Variants in PDGFC observed in about 807,000 individuals in gnomAD.
The protein encoded by PDGFC is platelet-derived growth factor C.
In PDGFC, 12 loss-of-function variants were observed where a neutral mutation model predicts 35.5. The observed-to-expected ratio is 0.34, with a 90% CI of 0.22 to 0.55. The LOEUF (loss-of-function observed/expected upper bound fraction) is 0.55, where lower values mean the gene tolerates loss of function less well. PDGFC is among the 20% of genes least tolerant of loss of function. The probability of loss-of-function intolerance (pLI) is 0.91; values close to 1 mark genes in which losing one functional copy is unlikely to be tolerated. For missense variants in PDGFC, 322 were observed against 412.4 expected (o/e 0.78, Z 1.90); for synonymous variants, 159 against 148.8 (o/e 1.07, Z -0.50).
intron 1 of PDGFC, among the ~76,000 whole-genome samples, chr4:156,945,888 C>T (rs78750681): frequency 0.022 from 3,313 of 152,170 alleles, 128 homozygotes; most frequent in African/African-American, 0.075. Flanking sequence ...AGAAGGATTT[C>T]AGCCCTTTGC....
rs970169875 is a variant in PDGFC, at chr4:156,971,698, G to A, written c.-795C>T. Among the ~76,000 whole-genome samples the A allele has an allele frequency of 6.6e-6, 1 of 151,864 alleles. No individual in the cohort carries two copies. The highest frequency in any genetic ancestry group is 1.5e-5 in the Non-Finnish European group (1 of 67,948). ...CCTCAAAGCCTGGGGCAATTCGGCC[G>A]CTCGGGGTCACCGCGGGGCTCCGGT... is the stretch of plus-strand genomic sequence containing the variant. On this transcript the variant is annotated 5_prime_UTR_variant, in exon 1 of 6. Coordinates refer to ENST00000502773, the MANE Select transcript of PDGFC (RefSeq NM_016205.3).
intron 1 of PDGFC, among the ~76,000 whole-genome samples, chr4:156,911,604 T>G (rs946565971): frequency 6.6e-6 from 1 of 152,126 alleles, no homozygotes; most frequent in Admixed American, 6.6e-5. Flanking sequence ...AAAAAACCTC[T>G]AAGTGTTATA....
At chr4:156,845,294 A>G (rs920586991) in intron 2 of PDGFC, among the ~76,000 whole-genome samples, 1 of 151,878 alleles carries the variant, frequency 6.6e-6, no homozygotes, top group African/African-American at 2.4e-5. Context: ...AAATAAAACA[A>G]TTAAAATAAC....
chr4:156,780,966 A>C (rs938443690), intron 3 of PDGFC, among the ~76,000 whole-genome samples: 1 of 152,006 alleles, frequency 6.6e-6, no homozygotes, highest in Non-Finnish European at 1.5e-5. Flanking sequence ...GTTCCTCCTT[A>C]TCACCTTCTT....
intron 1 of PDGFC, among the ~76,000 whole-genome samples, chr4:156,871,644 C>T (rs1212989998): frequency 1.3e-5 from 2 of 151,962 alleles, no homozygotes; most frequent in East Asian, 1.9e-4. Context: ...AGTCGAGACA[C>T]ACCTGGGAAT....
At chr4:156,967,831 A>C (rs1320904063) in intron 1 of PDGFC, 1 of 152,230 alleles carries the variant, frequency 6.6e-6, no homozygotes, top group Non-Finnish European at 1.5e-5. Flanking sequence ...AAGCAAGTCA[A>C]TGTTATCTTT....
chr4:156,893,989 C>G (rs2111201644), intron 1 of PDGFC, among the ~76,000 whole-genome samples: 1 of 152,226 alleles, frequency 6.6e-6, no homozygotes, highest in Admixed American at 6.5e-5. Flanking sequence ...TAGTTCACAA[C>G]CATGTATCAT....
chr4:156,915,178 T>C (rs1165357516), intron 1 of PDGFC, among the ~76,000 whole-genome samples: 2 of 152,188 alleles, frequency 1.3e-5, no homozygotes, highest in Non-Finnish European at 2.9e-5. Context: ...CCCAAAACTT[T>C]ATAAATCTAA....
chr4:156,955,703 G>T (rs766019321), intron 1 of PDGFC, among the ~76,000 whole-genome samples: 5 of 151,904 alleles, frequency 3.3e-5, no homozygotes, highest in Admixed American at 6.6e-5. Context: ...AGGAATTGGC[G>T]CAGAAGGCTA....
intron 5 of PDGFC, among the ~76,000 whole-genome samples, chr4:156,764,813 C>T (rs1243511018): frequency 6.6e-6 from 1 of 152,104 alleles, no homozygotes; most frequent in Non-Finnish European, 1.5e-5. Context: ...TATTCCTTAT[C>T]ACAGTCTTGC....
At chr4:156,862,214 A>C (rs935196366) in intron 1 of PDGFC, among the ~76,000 whole-genome samples, 1 of 152,236 alleles carries the variant, frequency 6.6e-6, no homozygotes, top group African/African-American at 2.4e-5. Context: ...ATCCTCTGAA[A>C]TAAAACAGGA....
chr4:156,935,250 C>T (rs1323180795), intron 1 of PDGFC, among the ~76,000 whole-genome samples: 1 of 152,132 alleles, frequency 6.6e-6, no homozygotes, highest in Non-Finnish European at 1.5e-5. Context: ...CCCGCCTTGG[C>T]CTCCCTAAGT....
chr4:156,799,810 CTTGT>C (rs1341445776), intron 3 of PDGFC, among the ~76,000 whole-genome samples: 1 of 152,060 alleles, frequency 6.6e-6, no homozygotes, highest in African/African-American at 2.4e-5. Context: ...AAAAAAGCTT[CTTGT>C]TTGGATTTGA....
At chr4:156,881,196 C>T (rs921517899) in intron 1 of PDGFC, among the ~76,000 whole-genome samples, 1 of 152,174 alleles carries the variant, frequency 6.6e-6, no homozygotes, top group Non-Finnish European at 1.5e-5. Flanking sequence ...CAGCCATTAA[C>T]ATTGAGGCAA....
chr4:156,907,650 C>T (rs557943207), intron 1 of PDGFC, among the ~76,000 whole-genome samples: 2 of 152,110 alleles, frequency 1.3e-5, no homozygotes, highest in Admixed American at 6.5e-5. Context: ...TGCCAGGCCT[C>T]TGGGTGTGGG....
chr4:156,793,345 C>A (rs553785025), intron 3 of PDGFC, among the ~76,000 whole-genome samples: 16 of 151,230 alleles, frequency 1.1e-4, no homozygotes, highest in African/African-American at 3.6e-4. Flanking sequence ...GTAAAATGAC[C>A]AAAGAGCATA....
intron 3 of PDGFC, among the ~76,000 whole-genome samples, chr4:156,804,215 T>G (rs961292679): frequency 3.3e-5 from 5 of 151,210 alleles, no homozygotes; most frequent in Admixed American, 6.6e-5. Flanking sequence ...AATAAATAAA[T>G]AAACAAATAA....
chr4:156,778,624 T>C (rs996908456), intron 3 of PDGFC, among the ~76,000 whole-genome samples: 8 of 152,206 alleles, frequency 5.3e-5, no homozygotes, highest in Non-Finnish European at 1.0e-4. Flanking sequence ...CTGTTTGGAA[T>C]AGTACTATCT....
chr4:156,945,380 T>C (rs1486813571), intron 1 of PDGFC, among the ~76,000 whole-genome samples: 1 of 119,776 alleles, frequency 8.3e-6, no homozygotes, highest in Non-Finnish European at 1.7e-5. Context: ...TATATATATA[T>C]ATATATATAT....
Sources: allele counts gnomAD v4.1 joint callset (sites outside exome capture counted in the v4.1 genomes callset), GRCh38; gene constraint gnomAD v4.1.1; transcripts MANE v1.5; gene names NCBI Gene and HGNC (gene_info 2026-07-23, HGNC 2026-07-21).